PRKG1: variants seen among roughly 807,000 people sequenced by gnomAD.
PRKG1 encodes the protein cGMP-dependent protein kinase 1.
A neutral mutation model predicts 88.1 loss-of-function variants in PRKG1; 35 were observed. The ratio of observed to expected loss-of-function variants is 0.40; its 90% CI spans 0.30 to 0.53. PRKG1 has a LOEUF of 0.53. Ranked by LOEUF, PRKG1 falls within the 20% of genes least tolerant of loss-of-function variation. The pLI, the probability that PRKG1 is intolerant of heterozygous loss-of-function variation, is 0.59. For synonymous variants in PRKG1, 303 were observed against 292.5 expected, an observed-to-expected ratio of 1.04 and a Z score of -0.37; for missense variants, 540 against 839.8, an observed-to-expected ratio of 0.64 and a Z score of 4.41.
At chr10:51,372,199 T>C (rs1842719683) in intron 2 of PRKG1, among the ~76,000 whole-genome samples, 1 of 152,228 alleles carries the variant, frequency 6.6e-6, no homozygotes, top group African/African-American at 2.4e-5. Flanking sequence ...TGAAATTGGT[T>C]ATTTCTAATG....
chr10:51,855,158 G>C (rs1005794135), intron 4 of PRKG1, among the ~76,000 whole-genome samples: 2 of 152,104 alleles, frequency 1.3e-5, no homozygotes, highest in African/African-American at 4.8e-5. Context: ...TAAGAAAAAT[G>C]GTAATAGCTT....
At chr10:51,557,585 A>T (rs1244492738) in intron 3 of PRKG1, among the ~76,000 whole-genome samples, 1 of 152,012 alleles carries the variant, frequency 6.6e-6, no homozygotes, top group African/African-American at 2.4e-5. Context: ...ACATTCTTTG[A>T]CACTTAGAAA....
At chr10:51,835,469 A>G (rs1041133710) in intron 4 of PRKG1, among the ~76,000 whole-genome samples, 1 of 152,194 alleles carries the variant, frequency 6.6e-6, no homozygotes, top group Non-Finnish European at 1.5e-5. Context: ...TAACAGTTGT[A>G]TTTGCAGAGC....
intron 3 of PRKG1, among the ~76,000 whole-genome samples, chr10:51,559,129 T>G (rs888123385): frequency 6.6e-6 from 1 of 152,070 alleles, no homozygotes; most frequent in Non-Finnish European, 1.5e-5. Flanking sequence ...ATATATGGCT[T>G]GGTACTACTC....
At chr10:51,009,267 G>A (rs749046457) in intron 1 of PRKG1, among the ~76,000 whole-genome samples, 9 of 152,214 alleles carry the variant, frequency 5.9e-5, no homozygotes, top group Admixed American at 2.0e-4. Flanking sequence ...ATTTTCTTTG[G>A]TGTATTTATC....
intron 2 of PRKG1, among the ~76,000 whole-genome samples, chr10:51,303,515 T>G (rs532658069): frequency 6.6e-6 from 1 of 151,958 alleles, no homozygotes; most frequent in South Asian, 2.1e-4. Flanking sequence ...TTTTACTCTT[T>G]CAACTCAATG....
At chr10:52,004,838 G>A (rs73339273) in intron 5 of PRKG1, among the ~76,000 whole-genome samples, 15,491 of 152,134 alleles carry the variant, frequency 0.1, 932 homozygotes, top group Non-Finnish European at 0.13. Flanking sequence ...GAGGTGGGAA[G>A]ATTGCTTGAG....
chr10:51,112,124 T>C (rs1844993948), intron 1 of PRKG1, among the ~76,000 whole-genome samples: 2 of 152,194 alleles, frequency 1.3e-5, no homozygotes, highest in Admixed American at 6.6e-5. Flanking sequence ...TAACTGGTCT[T>C]GTCTTATTTA....
chr10:51,645,284 A>G (rs1839890219), intron 3 of PRKG1, among the ~76,000 whole-genome samples: 1 of 152,334 alleles, frequency 6.6e-6, no homozygotes, highest in East Asian at 1.9e-4. Flanking sequence ...AGCAGCGTAC[A>G]TTTCACAAGA....
chr10:50,996,894 C>T (rs1478093863), intron 1 of PRKG1, among the ~76,000 whole-genome samples: 1 of 152,156 alleles, frequency 6.6e-6, no homozygotes, highest in East Asian at 1.9e-4. Context: ...TTAATTTACT[C>T]AGCTGAGTAA....
At chr10:51,936,391 G>T (rs1490208994) in intron 5 of PRKG1, among the ~76,000 whole-genome samples, 1 of 152,004 alleles carries the variant, frequency 6.6e-6, no homozygotes, top group Admixed American at 6.6e-5. Flanking sequence ...AACCACAAAT[G>T]AATAAAGTTA....
chr10:51,040,588 G>A (rs1843408471), intron 1 of PRKG1, among the ~76,000 whole-genome samples: 1 of 151,820 alleles, frequency 6.6e-6, no homozygotes. Context: ...AAAGTTCTAG[G>A]ACTACAGTTG....
chr10:51,299,191 C>G (rs956532286), intron 2 of PRKG1, among the ~76,000 whole-genome samples: 2 of 151,916 alleles, frequency 1.3e-5, no homozygotes, highest in African/African-American at 4.8e-5. Flanking sequence ...TTTGCCCATT[C>G]TTTTTATCTG....
intron 3 of PRKG1, among the ~76,000 whole-genome samples, chr10:51,601,117 T>C (rs1838587290): frequency 6.6e-6 from 1 of 152,138 alleles, no homozygotes. Flanking sequence ...GTTATTTTAT[T>C]TCATTATAAT....
chr10:51,601,036 AAAG>A (rs1707362241), intron 3 of PRKG1, among the ~76,000 whole-genome samples: 1 of 151,942 alleles, frequency 6.6e-6, no homozygotes, highest in African/African-American at 2.4e-5. Flanking sequence ...GGGAGAGAGG[AAAG>A]AAGGAGGGAA....
intron 9 of PRKG1, among the ~76,000 whole-genome samples, chr10:52,181,198 A>C (rs2132728285): frequency 6.6e-6 from 1 of 151,784 alleles, no homozygotes; most frequent in East Asian, 2.0e-4. Flanking sequence ...ATGTGTCTAT[A>C]AGTGGCAGCC....
chr10:51,587,686 T>C (rs917308696), intron 3 of PRKG1, among the ~76,000 whole-genome samples: 3 of 152,182 alleles, frequency 2.0e-5, no homozygotes, highest in African/African-American at 4.8e-5. Context: ...TACCAATCCA[T>C]TGGCAGCATA....
At chr10:51,456,616 C>G (rs1017687620) in intron 2 of PRKG1, among the ~76,000 whole-genome samples, 1 of 152,072 alleles carries the variant, frequency 6.6e-6, no homozygotes, top group East Asian at 1.9e-4. Context: ...AACTAAAAAG[C>G]TTCTGCACAG....
chr10:52,251,390 G>A (rs1841165073), intron 9 of PRKG1, among the ~76,000 whole-genome samples, 180 bp from the exon 10 acceptor site: 1 of 152,100 alleles, frequency 6.6e-6, no homozygotes, highest in Non-Finnish European at 1.5e-5. Flanking sequence ...GCAAATTTAT[G>A]TTATTCTGCA....
Sources: gnomAD v4.1 joint callset for allele counts (sites outside exome capture counted in the v4.1 genomes callset) on GRCh38, gnomAD v4.1.1 for gene constraint, MANE v1.5 for transcripts, NCBI Gene and HGNC (gene_info 2026-07-23, HGNC 2026-07-21) for gene names.